Variants in ZFHX3 observed in about 807,000 individuals in gnomAD.
ZFHX3 encodes the protein zinc finger homeobox 3.
Under a neutral mutation model 279.1 loss-of-function variants are expected in ZFHX3, and 42 were observed. The ratio of observed to expected loss-of-function variants is 0.15; its 90% CI spans 0.12 to 0.19. The LOEUF (loss-of-function observed/expected upper bound fraction) is 0.19, where lower values mean the gene tolerates loss of function less well. ZFHX3 is among the 10% of genes least tolerant of loss of function. The pLI is 1.00. For missense variants in ZFHX3, 4,981 were observed against 4,754.0 expected, an observed-to-expected ratio of 1.05 and a Z score of -1.40; for synonymous variants, 2,293 against 1,957.8, an observed-to-expected ratio of 1.17 and a Z score of -4.52.
intron 8 of ZFHX3, among the ~76,000 whole-genome samples, chr16:73,073,885 T>C (rs779467178): frequency 7.3e-4 from 111 of 152,348 alleles, no homozygotes; most frequent in Middle Eastern, 3.4e-3. Flanking sequence ...CAAATAAAAC[T>C]AGTGCTGGAA....
At chr16:72,948,497 T>C (rs933336485) in intron 3 of ZFHX3, among the ~76,000 whole-genome samples, 4 of 152,140 alleles carry the variant, frequency 2.6e-5, no homozygotes, top group Non-Finnish European at 5.9e-5. Flanking sequence ...CTGGGTGTGA[T>C]CCGTGGACAC....
At chr16:73,359,834 TG>T (rs1448821120) in intron 3 of ZFHX3, among the ~76,000 whole-genome samples, 1 of 152,160 alleles carries the variant, frequency 6.6e-6, no homozygotes, top group Non-Finnish European at 1.5e-5. Flanking sequence ...GCCGCTAATT[TG>T]ATAAGACAGA....
At chr16:73,127,598 C>T (rs1363366810) in intron 7 of ZFHX3, 1 of 1,298,100 alleles carries the variant, frequency 7.7e-7, no homozygotes, top group South Asian at 1.2e-5. Flanking sequence ...GACCACGGAG[C>T]ACTGCTGGCA....
At position 73,881,480 on chromosome 16, in the gene ZFHX3, G is replaced by GCCC. The variant is rs796522913; in HGVS notation, c.-1608+10168_-1608+10170dup. 9.4e-3 allele frequency among the ~76,000 whole-genome samples: 221 copies of GCCC among 23,484 alleles called. 6 individuals carry two copies. Among genetic ancestry groups the GCCC allele is most frequent in the Non-Finnish European group, 0.013 (139 of 10,484 alleles). The allele number at this position is 23,484 out of a possible 152,430, so 15.4% of individuals were successfully genotyped here. A position where few individuals can be genotyped will look rare whatever the true frequency, so the allele number is the denominator to read the frequency against. On this transcript the variant is annotated intron_variant, in intron 1 of 17. Coordinates refer to the ZFHX3 transcript ENST00000641206. Reference sequence around the variant, plus strand: ...TCTCTCTCTCTCTCTCTCTCTCTCTGCCCCCCCCCCCCACTCTGCCCATGG... The same window carrying GCCC: ...TCTCTCTCTCTCTCTCTCTCTCTCTGCCCCCCCCCCCCCCCACTCTGCCCATGG...
Position 73,731,050 on chromosome 16 carries a change from G to T in ZFHX3, c.-1607-50810C>A, listed in dbSNP as rs77013770. On this transcript the variant is annotated intron_variant, in intron 1 of 17. Transcript: ENST00000641206. ...TGAAAGGGCTTTAATTTTCTTAAAG[G>T]ATAAAAAAAGGTTTCTTTGCTAGAT... is the stretch of plus-strand genomic sequence containing the variant. Among the ~76,000 whole-genome samples the T allele has an allele frequency of 1.5e-3, 223 of 152,194 alleles. 3 individuals are homozygous for T. In the East Asian group the frequency reaches 0.041, roughly 28 times the overall value.
At chr16:72,920,806 A>G (rs556687420) in intron 3 of ZFHX3, among the ~76,000 whole-genome samples, 7 of 152,222 alleles carry the variant, frequency 4.6e-5, no homozygotes, top group Admixed American at 3.3e-4. Flanking sequence ...AAGGTGGCTC[A>G]TGCCTGTAAT....
intron 1 of ZFHX3, among the ~76,000 whole-genome samples, chr16:73,788,719 T>C (rs866972024): frequency 6.6e-6 from 1 of 151,190 alleles, no homozygotes; most frequent in African/African-American, 2.4e-5. Context: ...GGAAAATATA[T>C]ATATATCTAT....
intron 3 of ZFHX3, among the ~76,000 whole-genome samples, chr16:72,915,313 A>G (rs781248983): frequency 6.6e-5 from 10 of 152,238 alleles, no homozygotes; most frequent in Non-Finnish European, 1.2e-4. Flanking sequence ...TGATCCCATC[A>G]GTGACTGGGC....
chr16:73,447,486 T>C (rs190674128), intron 3 of ZFHX3, among the ~76,000 whole-genome samples: 67 of 152,252 alleles, frequency 4.4e-4, no homozygotes, highest in African/African-American at 1.4e-3. Context: ...AAGGGGTGTA[T>C]AGGCATCTTG....
At chr16:73,457,212 G>A (rs1431306210) in intron 2 of ZFHX3, among the ~76,000 whole-genome samples, 2 of 152,140 alleles carry the variant, frequency 1.3e-5, no homozygotes, top group South Asian at 2.1e-4. Context: ...TCTTCCAAGA[G>A]GTGGCATCTC....
At chr16:73,020,681 G>C (rs1597100271) in intron 1 of ZFHX3, among the ~76,000 whole-genome samples, 3 of 152,272 alleles carry the variant, frequency 2.0e-5, no homozygotes, top group Admixed American at 2.0e-4. Context: ...TTGACTCAAC[G>C]ATTCTTCAAT....
At chr16:73,755,002 AG>A (rs2053795474) in intron 1 of ZFHX3, among the ~76,000 whole-genome samples, 1 of 152,316 alleles carries the variant, frequency 6.6e-6, no homozygotes, top group East Asian at 1.9e-4. Context: ...TAATCTTCAA[AG>A]CACCCTCCTT....
chr16:73,659,759 T>C (rs1299479539), intron 2 of ZFHX3, among the ~76,000 whole-genome samples: 1 of 152,238 alleles, frequency 6.6e-6, no homozygotes, highest in African/African-American at 2.4e-5. Context: ...TATACTCATC[T>C]GGGCGTATAT....
intron 5 of ZFHX3, chr16:73,232,690 G>C (rs2012814464): frequency 6.6e-6 from 1 of 152,272 alleles, no homozygotes; most frequent in Admixed American, 6.5e-5. Context: ...TAAGAGCTTT[G>C]GGGGGATTCC....
At chr16:72,932,812 C>T (rs559635488) in intron 3 of ZFHX3, among the ~76,000 whole-genome samples, 1 of 152,342 alleles carries the variant, frequency 6.6e-6, no homozygotes, top group East Asian at 1.9e-4. Context: ...GAGTCCTTAA[C>T]ACCTTTCTGA....
chr16:73,225,999 T>A (rs1312562865), intron 5 of ZFHX3, among the ~76,000 whole-genome samples: 1 of 152,196 alleles, frequency 6.6e-6, no homozygotes, highest in Non-Finnish European at 1.5e-5. Context: ...AGGAGTCCAA[T>A]GTGTTTGCCC....
intron 1 of ZFHX3, among the ~76,000 whole-genome samples, chr16:73,850,701 T>A (rs1038268306): frequency 2.7e-5 from 4 of 149,978 alleles, no homozygotes; most frequent in Non-Finnish European, 5.9e-5. Context: ...AAGTCAGTTA[T>A]GTCTACTGGA....
intron 8 of ZFHX3, among the ~76,000 whole-genome samples, chr16:73,072,418 T>A (rs1212605968): frequency 7.1e-6 from 1 of 139,876 alleles, no homozygotes; most frequent in Admixed American, 7.8e-5. Flanking sequence ...CACTTCAGCC[T>A]GAGCAACAAG....
At chr16:73,337,888 T>TTGG (rs1481139655) in intron 3 of ZFHX3, among the ~76,000 whole-genome samples, 1 of 39,962 alleles carries the variant, frequency 2.5e-5, no homozygotes, top group African/African-American at 5.0e-5. Context: ...TCATCTTCCC[T>TTGG]TGGCGGGGGG....
Sources: allele counts gnomAD v4.1 joint callset (sites outside exome capture counted in the v4.1 genomes callset), GRCh38; gene constraint gnomAD v4.1.1; transcripts MANE v1.5; gene names NCBI Gene and HGNC (gene_info 2026-07-23, HGNC 2026-07-21).